The following ZC3H6 variants were observed in gnomAD, a reference collection of about 807,000 sequenced individuals.
The protein encoded by ZC3H6 is zinc finger CCCH-type containing 6.
ZC3H6 carries 40 observed loss-of-function variants against 107.7 expected under a neutral mutation model. That is an observed-to-expected ratio of 0.37 (90% CI 0.29 to 0.48). The LOEUF (loss-of-function observed/expected upper bound fraction) is 0.48. Among genes scored for constraint, ZC3H6 ranks in the 20% least tolerant of loss-of-function variants. ZC3H6 has a pLI of 0.98. For synonymous variants in ZC3H6, 493 were observed against 487.9 expected (o/e 1.01, Z -0.14); for missense variants, 1,267 against 1,410.4 (o/e 0.90, Z 1.63).
chr2:112,333,391 G>A lies in ZC3H6; in HGVS notation c.*903G>A, dbSNP rs1677076887. The A allele has an allele frequency of 6.6e-6, 1 of 152,528 alleles. No individual in the cohort carries two copies. Among genetic ancestry groups the A allele is most frequent in the African/African-American group, 2.4e-5 (1 of 41,444 alleles). The allele number at this position is 152,528 out of a possible 1,614,324, so 9.4% of individuals were successfully genotyped here. A position where few individuals can be genotyped will look rare whatever the true frequency, so the allele number is the denominator to read the frequency against. The stretch of plus-strand genomic sequence containing the variant: ...CTGTAGTGATTATTACACGGATAAT[G>A]TTTTAAATGTCTAGGTTCTGTATTT... On this transcript the variant is annotated 3_prime_UTR_variant, in exon 12 of 12. Coordinates refer to ENST00000409871, the MANE Select transcript of ZC3H6 (RefSeq NM_198581.3).
At chr2:112,277,598 T>C (rs1686450387) in intron 1 of ZC3H6, among the ~76,000 whole-genome samples, 1 of 152,208 alleles carries the variant, frequency 6.6e-6, no homozygotes, top group South Asian at 2.1e-4. Context: ...TAGAAAACTT[T>C]AAAGAATTAT....
chr2:112,281,279 A>G (rs774907883), intron 1 of ZC3H6, among the ~76,000 whole-genome samples: 30 of 152,164 alleles, frequency 2.0e-4, no homozygotes, highest in Non-Finnish European at 3.7e-4. Context: ...GAGCATCCAT[A>G]TAAAGGGAGT....
At chr2:112,307,302 C>T (rs184394115) in intron 3 of ZC3H6, among the ~76,000 whole-genome samples, 3 of 152,128 alleles carry the variant, frequency 2.0e-5, no homozygotes, top group Non-Finnish European at 4.4e-5. Context: ...AATTTAGCTT[C>T]TTTTTTCCTC....
rs1306119275 is a variant in ZC3H6, at chr2:112,325,322, C to T, written c.2086+125C>T. On this transcript the variant is annotated intron_variant, in intron 11 of 11. Transcript: ENST00000409871. ...CAACCTGGCCAACATGGTGAAACCC[C>T]ATCTCTACTAAAAATGCAAAAATTA... The T allele has an allele frequency of 1.9e-5, 16 of 858,696 alleles. No individual in the cohort carries two copies. The East Asian group carries it at 4.0e-4, about 22-fold the overall frequency. The allele number at this position is 858,696 out of a possible 1,614,324, so 53.2% of individuals were successfully genotyped here.
Position 112,309,768 on chromosome 2 carries a change from A to G in ZC3H6, c.337-117A>G, listed in dbSNP as rs1558952377. ...TAAGTACTGATCAAGAGTCAGAACT[A>G]ATAACTGTCTTTTCTCCTTTCTCCA... On this transcript the variant is annotated intron_variant, in intron 3 of 11. Transcript: ENST00000409871. 5.1e-6 allele frequency: 5 copies of G among 988,380 alleles called. No individual in the cohort carries two copies. In the East Asian group the frequency reaches 1.3e-4, roughly 26 times the overall value. 61.2% of individuals were successfully genotyped at this position (988,380 alleles called of 1,614,324 possible).
chr2:112,291,384 C>T (rs1199192101), intron 1 of ZC3H6, among the ~76,000 whole-genome samples: 1 of 152,196 alleles, frequency 6.6e-6, no homozygotes, highest in Non-Finnish European at 1.5e-5. Context: ...TAGGCATGTC[C>T]CACTATTCCT....
At chr2:112,308,649 C>T (rs1676536741) in intron 3 of ZC3H6, among the ~76,000 whole-genome samples, 1 of 149,878 alleles carries the variant, frequency 6.7e-6, no homozygotes, top group Admixed American at 6.6e-5. Context: ...CCAGGCTCTT[C>T]TCGAACTCCT....
Position 112,324,523 on chromosome 2 carries a change from C to T in ZC3H6, c.1712C>T (p.Pro571Leu), listed in dbSNP as rs763333705. ...MKVPRENHCS[P>L]GSSYQQSPGE... is the part of the protein sequence containing the mutation. ...GTACCCAGAGAGAATCACTGTTCTC[C>T]AGGTTCATCATACCAGCAAAGTCCT... Residue 571 changes from proline to leucine, a missense_variant, in exon 10 of 12, where the codon CCA (proline) becomes CTA (leucine). This residue lies in a region of ZC3H6 where 925 missense variants were observed against 1,025.7 expected (regional missense o/e 0.90). Transcript: ENST00000409871. 2 of 1,612,986 alleles carry T rather than the reference C, an allele frequency of 1.2e-6. No homozygotes were observed. Among genetic ancestry groups the T allele is most frequent in the Non-Finnish European group, 8.5e-7 (1 of 1,179,428 alleles).
intron 5 of ZC3H6, 135 bp from the exon 6 acceptor site, chr2:112,316,330 TAAATG>T (rs2104716772): frequency 1.7e-6 from 1 of 576,726 alleles, no homozygotes; most frequent in East Asian, 3.3e-5. Context: ...TCTCTCCAAA[TAAATG>T]AATAGCATCA....
At chr2:112,320,569 G>A (rs1676783519) in intron 7 of ZC3H6, among the ~76,000 whole-genome samples, 1 of 152,100 alleles carries the variant, frequency 6.6e-6, no homozygotes, top group South Asian at 2.1e-4. Flanking sequence ...GGTCAGAAGT[G>A]ATTTGGCAAA....
At chr2:112,303,950 A>G (rs989519510) in intron 3 of ZC3H6, among the ~76,000 whole-genome samples, 8 of 152,240 alleles carry the variant, frequency 5.3e-5, no homozygotes, top group South Asian at 2.1e-4. Context: ...TGGTGATTCT[A>G]TGTCCAACTG....
intron 3 of ZC3H6, among the ~76,000 whole-genome samples, chr2:112,306,939 T>A (rs1402112787): frequency 6.6e-6 from 1 of 152,234 alleles, no homozygotes; most frequent in East Asian, 1.9e-4. Context: ...TGCCCACTTC[T>A]CAGGATTTTC....
At chr2:112,330,779 C>G (rs1210658642) in intron 11 of ZC3H6, among the ~76,000 whole-genome samples, 1 of 152,084 alleles carries the variant, frequency 6.6e-6, no homozygotes, top group Admixed American at 6.5e-5. Context: ...AGTTTTCTTA[C>G]CACATCTTAT....
At chr2:112,306,750 C>T (rs1018513540) in intron 3 of ZC3H6, among the ~76,000 whole-genome samples, 11 of 152,162 alleles carry the variant, frequency 7.2e-5, no homozygotes, top group East Asian at 1.9e-4. Context: ...GTCTGTGATT[C>T]GCATTTTGAG....
chr2:112,325,752 T>C (rs1315757399), intron 11 of ZC3H6, among the ~76,000 whole-genome samples: 5 of 152,104 alleles, frequency 3.3e-5, no homozygotes, highest in Non-Finnish European at 7.4e-5. Flanking sequence ...TCAAAATGAT[T>C]CAGTTATTAG....
At position 112,338,891 on chromosome 2, in the gene ZC3H6, ATATATATATATATATATATATAAT is replaced by A. The variant is rs1677191178; in HGVS notation, c.*6405_*6428del. 1 of 18,592 alleles carries A rather than the reference ATATATATATATATATATATATAAT, an allele frequency of 5.4e-5. No individual in the cohort carries two copies. Among genetic ancestry groups the A allele is most frequent in the African/African-American group, 7.0e-4 (1 of 1,424 alleles). 1.2% of individuals were successfully genotyped at this position (18,592 alleles called of 1,614,324 possible). On this transcript the variant is annotated 3_prime_UTR_variant, in exon 12 of 12. Coordinates refer to ENST00000409871, the MANE Select transcript of ZC3H6 (RefSeq NM_198581.3). Reference sequence around the variant, plus strand: ...TATATATATATATATATATATATATATATATATATATATATATATATAATTTTTTTTTTTTGAGACGGAGTCTTG... The same window carrying A: ...TATATATATATATATATATATATATATTTTTTTTTTTGAGACGGAGTCTTG...
intron 1 of ZC3H6, among the ~76,000 whole-genome samples, chr2:112,289,402 A>T (rs775282871): frequency 7.0e-6 from 1 of 143,418 alleles, no homozygotes; most frequent in African/African-American, 2.6e-5. Context: ...TTGGCTCACT[A>T]CAAGCTCCGC....
Position 112,335,481 on chromosome 2 carries a change from T to C in ZC3H6, c.*2993T>C, listed in dbSNP as rs1677122586. 1.3e-5 allele frequency: 2 copies of C among 152,136 alleles called. No homozygotes were observed. Among genetic ancestry groups the C allele is most frequent in the Non-Finnish European group, 2.9e-5 (2 of 68,010 alleles). The allele number at this position is 152,136 out of a possible 1,614,324, so 9.4% of individuals were successfully genotyped here. Reference sequence around the variant, plus strand: ...TGGAAGTTTAAAGAGAATAAATTCATATTTTTTGTTCTGAATTGATTTCTG... The same window carrying C: ...TGGAAGTTTAAAGAGAATAAATTCACATTTTTTGTTCTGAATTGATTTCTG... On this transcript the variant is annotated 3_prime_UTR_variant, in exon 12 of 12. Coordinates refer to ENST00000409871, the MANE Select transcript of ZC3H6 (RefSeq NM_198581.3).
At chr2:112,287,050 T>G (rs550496906) in intron 1 of ZC3H6, among the ~76,000 whole-genome samples, 1 of 152,206 alleles carries the variant, frequency 6.6e-6, no homozygotes, top group South Asian at 2.1e-4. Context: ...TTCACTCTGG[T>G]TCATTGTAGA....
Sources: gnomAD v4.1 joint callset for allele counts (sites outside exome capture counted in the v4.1 genomes callset) on GRCh38, gnomAD v4.1.1 for gene constraint, gnomAD v4.1.1 regional missense constraint, MANE v1.5 for transcripts, NCBI Gene and HGNC (gene_info 2026-07-23, HGNC 2026-07-21) for gene names.